Variants in GABRB2 observed in about 807,000 individuals in gnomAD.
GABRB2 encodes gamma-aminobutyric acid receptor subunit beta-2.
A neutral mutation model predicts 54.7 loss-of-function variants in GABRB2; 16 were observed. The ratio of observed to expected loss-of-function variants is 0.29; its 90% CI spans 0.20 to 0.44. GABRB2 has a LOEUF of 0.44. Among genes scored for constraint, GABRB2 ranks in the 20% least tolerant of loss-of-function variants. GABRB2 has a pLI of 1.00. For synonymous variants in GABRB2, 244 were observed against 233.8 expected (o/e 1.04, Z -0.40); for missense variants, 355 against 644.0 (o/e 0.55, Z 4.86).
intron 3 of GABRB2, among the ~76,000 whole-genome samples, chr5:161,488,366 C>G (rs1000095873): frequency 3.3e-5 from 5 of 151,388 alleles, no homozygotes; most frequent in Admixed American, 2.0e-4. Flanking sequence ...AAACCTTGTT[C>G]CTTAGCCTCT....
intron 5 of GABRB2, among the ~76,000 whole-genome samples, chr5:161,348,592 G>A (rs1754383436): frequency 6.6e-6 from 1 of 152,034 alleles, no homozygotes; most frequent in Non-Finnish European, 1.5e-5. Context: ...ACCCCCAAGT[G>A]TCTCTGGACC....
At chr5:161,373,526 G>C (rs1186458836) in intron 5 of GABRB2, among the ~76,000 whole-genome samples, 1 of 152,068 alleles carries the variant, frequency 6.6e-6, no homozygotes, top group African/African-American at 2.4e-5. Flanking sequence ...ATCAGCCACT[G>C]TGTACCAACC....
At chr5:161,451,082 C>T (rs968799704) in intron 4 of GABRB2, among the ~76,000 whole-genome samples, 4 of 152,110 alleles carry the variant, frequency 2.6e-5, no homozygotes, top group Admixed American at 6.6e-5. Context: ...TGTGAGATGA[C>T]TACTCAGTCA....
At chr5:161,481,319 A>G (rs984701382) in intron 3 of GABRB2, among the ~76,000 whole-genome samples, 2 of 152,078 alleles carry the variant, frequency 1.3e-5, no homozygotes, top group African/African-American at 4.8e-5. Flanking sequence ...TAGGAAATCA[A>G]TATGTGATCA....
intron 3 of GABRB2, among the ~76,000 whole-genome samples, chr5:161,541,192 A>C (rs1240355757): frequency 6.6e-6 from 1 of 150,940 alleles, no homozygotes; most frequent in Non-Finnish European, 1.5e-5. Flanking sequence ...TCTGAGCACT[A>C]AGTCTCAACA....
chr5:161,496,162 T>A (rs1399950005), intron 3 of GABRB2, among the ~76,000 whole-genome samples: 1 of 152,114 alleles, frequency 6.6e-6, no homozygotes, highest in Non-Finnish European at 1.5e-5. Context: ...CTGATTCTAT[T>A]CCTTACTAGC....
chr5:161,516,682 A>G (rs961401373), intron 3 of GABRB2, among the ~76,000 whole-genome samples: 2 of 152,158 alleles, frequency 1.3e-5, no homozygotes, highest in African/African-American at 4.8e-5. Flanking sequence ...AAATCAATGG[A>G]TTTTATTATT....
At chr5:161,371,309 G>C (rs1190473324) in intron 5 of GABRB2, among the ~76,000 whole-genome samples, 1 of 152,104 alleles carries the variant, frequency 6.6e-6, no homozygotes, top group African/African-American at 2.4e-5. Context: ...AAGCCATAAA[G>C]AACTGTCCTA....
intron 5 of GABRB2, among the ~76,000 whole-genome samples, chr5:161,367,895 T>C (rs1438011037): frequency 6.6e-6 from 1 of 151,934 alleles, no homozygotes; most frequent in Non-Finnish European, 1.5e-5. Context: ...TAATGGGAGA[T>C]TTTCAAGATG....
At chr5:161,438,878 G>A (rs1408192371) in intron 4 of GABRB2, among the ~76,000 whole-genome samples, 2 of 151,882 alleles carry the variant, frequency 1.3e-5, no homozygotes, top group Non-Finnish European at 2.9e-5. Flanking sequence ...AAAAAGAACG[G>A]AACACACTGA....
chr5:161,450,890 C>T (rs550887573), intron 4 of GABRB2, among the ~76,000 whole-genome samples: 1 of 151,978 alleles, frequency 6.6e-6, no homozygotes, highest in South Asian at 2.1e-4. Context: ...GAGACAGGTG[C>T]TTTGAAGACT....
At chr5:161,484,739 G>A (rs1371627388) in intron 3 of GABRB2, among the ~76,000 whole-genome samples, 7 of 151,770 alleles carry the variant, frequency 4.6e-5, no homozygotes, top group Non-Finnish European at 7.4e-5. Context: ...CTGTATTTAG[G>A]CCCCCATCAT....
intron 9 of GABRB2, among the ~76,000 whole-genome samples, chr5:161,302,880 T>C (rs1757578839): frequency 6.6e-6 from 1 of 152,232 alleles, no homozygotes. Flanking sequence ...CCAACATCTT[T>C]GACTCTTCAA....
intron 5 of GABRB2, among the ~76,000 whole-genome samples, chr5:161,401,073 G>A (rs1756173326): frequency 6.6e-6 from 1 of 152,118 alleles, no homozygotes; most frequent in African/African-American, 2.4e-5. Flanking sequence ...ACCACTGCCA[G>A]GATGATACAG....
intron 9 of GABRB2, among the ~76,000 whole-genome samples, chr5:161,313,051 C>T (rs1034400358): frequency 6.6e-6 from 1 of 152,150 alleles, no homozygotes. Context: ...TTTGTGCTAG[C>T]ATTTCTCAGA....
intron 3 of GABRB2, among the ~76,000 whole-genome samples, chr5:161,518,084 C>T (rs928067107): frequency 6.6e-6 from 1 of 152,034 alleles, no homozygotes; most frequent in South Asian, 2.1e-4. Flanking sequence ...CTAGGATTAC[C>T]GGTGTGAGCC....
At chr5:161,484,120 A>G (rs1369399935) in intron 3 of GABRB2, among the ~76,000 whole-genome samples, 1 of 151,980 alleles carries the variant, frequency 6.6e-6, no homozygotes, top group Admixed American at 6.6e-5. Flanking sequence ...ACCCACTCTG[A>G]TTGACACTAT....
Position 161,305,484 on chromosome 5 carries a change from A to G in GABRB2, c.1192-11056T>C, listed in dbSNP as rs137897355. ...GGGAGGTAGGAATGAGAATCTGCCTACCCAATCCTGATAACTCAAAGAAGT... is the reference window on the plus strand; with the variant it reads ...GGGAGGTAGGAATGAGAATCTGCCTGCCCAATCCTGATAACTCAAAGAAGT... On this transcript the variant is annotated intron_variant, in intron 9 of 9. Transcript: ENST00000393959. 2.4e-4 allele frequency among the ~76,000 whole-genome samples: 36 copies of G among 152,308 alleles called. No homozygotes were observed. The East Asian group carries it at 6.9e-3, about 29-fold the overall frequency.
At chr5:161,316,814 G>A (rs1177863817) in intron 9 of GABRB2, among the ~76,000 whole-genome samples, 2 of 152,036 alleles carry the variant, frequency 1.3e-5, no homozygotes, top group Non-Finnish European at 2.9e-5. Flanking sequence ...GTTTCACCAC[G>A]TTGTCCAGGC....
Sources: gnomAD v4.1 joint callset for allele counts (sites outside exome capture counted in the v4.1 genomes callset) on GRCh38, gnomAD v4.1.1 for gene constraint, MANE v1.5 for transcripts, NCBI Gene and HGNC (gene_info 2026-07-23, HGNC 2026-07-21) for gene names.